Variants in UHRF1 observed in about 807,000 individuals in gnomAD.
UHRF1 encodes E3 ubiquitin-protein ligase UHRF1.
In UHRF1, 9 loss-of-function variants were observed where a neutral mutation model predicts 96.5. The observed-to-expected ratio is 0.09, with a 90% confidence interval of 0.06 to 0.16. The LOEUF is 0.16. Ranked by LOEUF, UHRF1 falls within the 10% of genes least tolerant of loss-of-function variation. The pLI, the probability that UHRF1 is intolerant of heterozygous loss-of-function variation, is 1.00. For synonymous variants in UHRF1, 455 were observed against 469.9 expected (o/e 0.97, Z 0.41); for missense variants, 626 against 1,131.1 (o/e 0.55, Z 6.40).
intron 11 of UHRF1, among the ~76,000 whole-genome samples, chr19:4,950,009 T>C (rs895295914): frequency 3.3e-5 from 5 of 151,178 alleles, no homozygotes; most frequent in African/African-American, 1.2e-4. Context: ...TAGCTGGGAC[T>C]ATAGGTGCAT....
At chr19:4,928,593 G>A (rs1309447795) in intron 2 of UHRF1, among the ~76,000 whole-genome samples, 2 of 152,222 alleles carry the variant, frequency 1.3e-5, no homozygotes, top group Non-Finnish European at 2.9e-5. Flanking sequence ...CCTGGCAGGC[G>A]AGATTGGCGC....
At chr19:4,931,853 C>T (rs1226204479) in intron 4 of UHRF1, among the ~76,000 whole-genome samples, 1 of 151,794 alleles carries the variant, frequency 6.6e-6, no homozygotes, top group Admixed American at 6.6e-5. Flanking sequence ...CTCCATCTCC[C>T]GGGTTCAAAC....
In UHRF1 at chr19:4,954,326, C is replaced by A. The variant is rs748814833; in HGVS notation, c.1819-24C>A. The stretch of plus-strand genomic sequence containing the variant: ...GCGTGTGGGCCCCAAGCCTGACTCA[C>A]GGCTGTCCCTCTTCCTCCTGAAGTA... On this transcript the variant is annotated intron_variant, in intron 13 of 16. Transcript: ENST00000650932. This position sits in a 1 kb window ranked among gnomAD's most constrained non-coding sequence, Gnocchi z 5.9. 1.9e-6 allele frequency: 3 copies of A among 1,607,768 alleles called. No homozygotes were observed. Among genetic ancestry groups the A allele is most frequent in the Non-Finnish European group, 2.5e-6 (3 of 1,178,134 alleles).
At chr19:4,932,986 C>A in intron 5 of UHRF1, 30 bp downstream of exon 5, 1 of 1,565,642 alleles carries the variant, frequency 6.4e-7, no homozygotes, top group Non-Finnish European at 8.7e-7. Context: ...GCGAGCCCTT[C>A]CTCTCTCCTT....
intron 2 of UHRF1, among the ~76,000 whole-genome samples, chr19:4,916,763 C>T (rs990524931): frequency 1.3e-5 from 2 of 152,196 alleles, no homozygotes; most frequent in African/African-American, 4.8e-5. Context: ...GTCGCAGAGG[C>T]GCTGAGACGG....
intron 2 of UHRF1, among the ~76,000 whole-genome samples, chr19:4,916,002 C>T (rs1298592319): frequency 6.6e-6 from 1 of 152,104 alleles, no homozygotes; most frequent in African/African-American, 2.4e-5. Context: ...ATTATGTCTG[C>T]CGGCTGTTAG....
chr19:4,955,843 G>A (rs1425803852), intron 15 of UHRF1, among the ~76,000 whole-genome samples: 1 of 152,154 alleles, frequency 6.6e-6, no homozygotes, highest in Non-Finnish European at 1.5e-5. Flanking sequence ...TGTCACCCAG[G>A]CTGGAGTGCG....
intron 2 of UHRF1, among the ~76,000 whole-genome samples, chr19:4,927,408 T>C (rs2032908339): frequency 1.3e-5 from 2 of 151,670 alleles, no homozygotes; most frequent in Admixed American, 1.3e-4. Flanking sequence ...AAAAAATTTT[T>C]TTCTGGAAAA....
At chr19:4,941,717 G>A (rs754939615) in intron 6 of UHRF1, 28 bp from the exon 7 acceptor site, 4 of 1,552,820 alleles carry the variant, frequency 2.6e-6, no homozygotes, top group Non-Finnish European at 3.5e-6. Context: ...GGGCCCCGCC[G>A]GAGCTGACCC....
intron 2 of UHRF1, among the ~76,000 whole-genome samples, chr19:4,911,661 C>T (rs137957070): frequency 1.3e-5 from 2 of 152,312 alleles, no homozygotes; most frequent in African/African-American, 4.8e-5. Flanking sequence ...TCCAGCCCCT[C>T]GTTGCATTTA....
intron 5 of UHRF1, among the ~76,000 whole-genome samples, chr19:4,937,188 C>T (rs923472088): frequency 2.6e-5 from 4 of 151,600 alleles, no homozygotes; most frequent in Non-Finnish European, 5.9e-5. Flanking sequence ...GGGATTGATT[C>T]TTTTTTTCCC....
intron 16 of UHRF1, among the ~76,000 whole-genome samples, chr19:4,958,573 G>A (rs1407619771): frequency 1.3e-5 from 2 of 152,248 alleles, no homozygotes; most frequent in South Asian, 4.1e-4. Flanking sequence ...CCAGCATCAC[G>A]GTGTCCCCAC....
chr19:4,920,459 C>A (rs1356192088), intron 2 of UHRF1, among the ~76,000 whole-genome samples: 1 of 151,988 alleles, frequency 6.6e-6, no homozygotes, highest in African/African-American at 2.4e-5. Flanking sequence ...GTAAGTCCCA[C>A]GTAGCCATCA....
chr19:4,909,995 C>G (rs1195415699), intron 1 of UHRF1, among the ~76,000 whole-genome samples: 8 of 150,916 alleles, frequency 5.3e-5, no homozygotes, highest in Non-Finnish European at 8.9e-5. Context: ...TTCGCGCGCC[C>G]TGAGTTCCCC....
intron 16 of UHRF1, among the ~76,000 whole-genome samples, chr19:4,957,852 G>A (rs1190990744): frequency 3.3e-5 from 5 of 152,214 alleles, no homozygotes; most frequent in Non-Finnish European, 5.9e-5. Flanking sequence ...CAGGTGGGCA[G>A]TGTGGGTCTG....
chr19:4,905,236 C>T (rs1415663737), upstream of UHRF1, among the ~76,000 whole-genome samples: 2 of 150,336 alleles, frequency 1.3e-5, no homozygotes, highest in African/African-American at 2.4e-5. Context: ...CCTGCCTCAG[C>T]CTCCCGAGTA....
At chr19:4,944,790 T>A (rs1382144035) in intron 9 of UHRF1, among the ~76,000 whole-genome samples, 1 of 152,154 alleles carries the variant, frequency 6.6e-6, no homozygotes, top group African/African-American at 2.4e-5. Context: ...TGTGACTGGG[T>A]GTTGACAGTG....
chr19:4,934,285 C>T (rs569595124), intron 5 of UHRF1, among the ~76,000 whole-genome samples: 3 of 152,310 alleles, frequency 2.0e-5, no homozygotes, highest in Admixed American at 6.5e-5. Context: ...TCGCCCGCCT[C>T]AGCCTCCCAC....
intron 2 of UHRF1, among the ~76,000 whole-genome samples, chr19:4,917,071 G>GGC (rs1555745208): frequency 1.0e-5 from 1 of 96,036 alleles, no homozygotes; most frequent in African/African-American, 4.6e-5. Flanking sequence ...GCAGCTCGGT[G>GGC]GGGGGGGGGG....
Sources: gnomAD v4.1 joint callset for allele counts (sites outside exome capture counted in the v4.1 genomes callset) on GRCh38, gnomAD v4.1.1 for gene constraint, Gnocchi (gnomAD v3.1) non-coding constraint, MANE v1.5 for transcripts, NCBI Gene and HGNC (gene_info 2026-07-23, HGNC 2026-07-21) for gene names.